The following SBNO2 variants were observed in gnomAD, a reference collection of about 807,000 sequenced individuals.
SBNO2 encodes protein strawberry notch homolog 2.
A neutral mutation model predicts 146.3 loss-of-function variants in SBNO2; 89 were observed. The observed-to-expected ratio is 0.61, with a 90% CI of 0.51 to 0.73. SBNO2 has a LOEUF of 0.73. Among genes scored for constraint, SBNO2 ranks in the 30% least tolerant of loss-of-function variants. The pLI is 0.00. For missense variants in SBNO2, 2,092 were observed against 2,003.7 expected (o/e 1.04, Z -0.84); for synonymous variants, 1,147 against 892.6 (o/e 1.29, Z -5.08).
At chr19:1,119,849 C>T in intron 12 of SBNO2, 57 bp downstream of exon 12, 2 of 1,349,828 alleles carry the variant, frequency 1.5e-6, no homozygotes. Context: ...TTCGCGGGGA[C>T]AGCCAGGCAG....
At position 1,110,076 on chromosome 19, in the gene SBNO2, C is replaced by T. The variant is rs557551786; in HGVS notation, c.3029-299G>A. Among the ~76,000 whole-genome samples, 17 of 151,646 alleles carry T rather than the reference C, an allele frequency of 1.1e-4. No homozygotes were observed. The highest frequency in any genetic ancestry group is 3.6e-4 in the African/African-American group (15 of 41,282). On this transcript the variant is annotated intron_variant, in intron 26 of 31. Coordinates refer to ENST00000361757, the MANE Select transcript of SBNO2 (RefSeq NM_014963.3). This position sits in a 1 kb window ranked among gnomAD's most constrained non-coding sequence, Gnocchi z 4.9. The stretch of plus-strand genomic sequence containing the variant: ...TGGGGGATCGTGGGAGCCTGGGGGC[C>T]GCTCAGATCCTAGGTAACCCCAAGC...
At chr19:1,117,039 G>A (rs937735768) in intron 15 of SBNO2, 113 bp from the exon 16 acceptor site, 17 of 1,062,056 alleles carry the variant, frequency 1.6e-5, no homozygotes, top group East Asian at 1.6e-4. Flanking sequence ...TGCTGTGCTC[G>A]CCTCCCCAGG....
chr19:1,171,304 G>A (rs939357774), intron 1 of SBNO2, among the ~76,000 whole-genome samples: 5 of 151,870 alleles, frequency 3.3e-5, no homozygotes, highest in African/African-American at 9.7e-5. Flanking sequence ...CAGAATGCAC[G>A]TGCGTACGTA....
At chr19:1,166,735 G>A (rs1438970392) in intron 1 of SBNO2, among the ~76,000 whole-genome samples, 1 of 152,164 alleles carries the variant, frequency 6.6e-6, no homozygotes, top group Non-Finnish European at 1.5e-5. Context: ...TTTTTCTCCT[G>A]AGCAGACGTT....
Position 1,110,885 on chromosome 19 carries a change from C to G in SBNO2, c.2888G>C (p.Cys963Ser). ...RNGCLDVEKDCSITKFLNRIL... is the reference protein window; with the variant it reads ...RNGCLDVEKDSSITKFLNRIL... ...GCGGTTCAGGAACTTGGTGATGGAA[C>G]AGTCTGGTAGGGGAGGGAGCCAAGC... The change falls in exon 26 of 32, where the codon TGT (cysteine) becomes TCT (serine). Residue 963 changes from cysteine (C) to serine (S), a missense_variant. By Grantham distance (112) the Cys-to-Ser change is moderately radical. Transcript: ENST00000361757. The surrounding 1 kb of genome is among the most constrained non-coding windows in gnomAD (Gnocchi z 4.9). 1 of 1,613,650 alleles carries G rather than the reference C, an allele frequency of 6.2e-7. No homozygotes were observed. The highest frequency in any genetic ancestry group is 8.5e-7 in the Non-Finnish European group (1 of 1,179,718).
intron 1 of SBNO2, among the ~76,000 whole-genome samples, chr19:1,166,730 C>G (rs148001350): frequency 3.9e-5 from 6 of 152,290 alleles, no homozygotes; most frequent in Non-Finnish European, 7.4e-5. Context: ...ACGTCTTTTT[C>G]TCCTGAGCAG....
At chr19:1,139,840 G>A (rs142917039) in intron 4 of SBNO2, among the ~76,000 whole-genome samples, 2,095 of 152,192 alleles carry the variant, frequency 0.014, 28 homozygotes, top group Non-Finnish European at 0.021. Context: ...AGCTACTCAG[G>A]AGGCTGAGAC....
Position 1,108,465 on chromosome 19 carries a change from G to C in SBNO2, c.3856C>G (p.Pro1286Ala), listed in dbSNP as rs1469311830. 14 of 1,228,256 alleles carry C rather than the reference G, an allele frequency of 1.1e-5. No individual in the cohort carries two copies. The highest frequency in any genetic ancestry group is 4.6e-5 in the Admixed American group (1 of 21,584). 76.1% of individuals were successfully genotyped at this position (1,228,256 alleles called of 1,614,324 possible). A position where few individuals can be genotyped will look rare whatever the true frequency, so the allele number is the denominator to read the frequency against. ...FPAPLSLDAG[P>A]GVVPLGTPDA... is the part of the protein sequence containing the mutation. ...GGGGTGCCCAGCGGCACGACGCCGG[G>C]GCCGGCGTCCAGGGACAGCGGCGCC... The change falls in exon 32 of 32, where the codon CCC (proline) becomes GCC (alanine). Residue 1286 changes from proline (P) to alanine (A), a missense_variant. Pro to Ala is a conservative substitution (Grantham distance 27). Transcript: ENST00000361757.
rs2079723807 is a variant in SBNO2 at position 1,109,385 on chromosome 19, C to G, written c.3255G>C (p.Gln1085His). ...GNKPSCLLAE[Q>H]NRGQFFTVYK... Reference sequence around the variant, plus strand: ...ACACCGTGAAGAACTGGCCGCGGTTCTGCTCCGCCAGCAGGCAGCTGGGCT... The same window carrying G: ...ACACCGTGAAGAACTGGCCGCGGTTGTGCTCCGCCAGCAGGCAGCTGGGCT... Residue 1085 changes from glutamine (Q) to histidine (H), a missense_variant, in exon 29 of 32, where the codon CAG (glutamine) becomes CAC (histidine). Gln to His is a conservative substitution (Grantham distance 24). Transcript: ENST00000361757. This position sits in a 1 kb window ranked among gnomAD's most constrained non-coding sequence, Gnocchi z 4.2. 6.4e-7 allele frequency: 1 copy of G among 1,572,904 alleles called. No individual in the cohort carries two copies. Among genetic ancestry groups the G allele is most frequent in the Non-Finnish European group, 8.6e-7 (1 of 1,160,236 alleles).
chr19:1,134,215 CACAGCTCACAGGACCT>C (rs1476046712), intron 4 of SBNO2, among the ~76,000 whole-genome samples: 10 of 145,660 alleles, frequency 6.9e-5, no homozygotes, highest in Non-Finnish European at 1.1e-4. Flanking sequence ...CAGGTGGACC[CACAGCTCACAGGACCT>C]ACAGCTCACG....
intron 5 of SBNO2, among the ~76,000 whole-genome samples, chr19:1,125,180 G>A (rs1362292621): frequency 1.7e-4 from 26 of 148,658 alleles, no homozygotes; most frequent in African/African-American, 5.5e-4. Context: ...CTGAAACCCC[G>A]TCTCTACTAA....
rs761266430 is a variant in SBNO2 at position 1,128,307 on chromosome 19, G to C, written c.280-542C>G. 2.5e-4 allele frequency: 99 copies of C among 393,620 alleles called. 1 individual carries two copies. The highest frequency in any genetic ancestry group is 1.8e-3 in the South Asian group (97 of 54,874). The allele number at this position is 393,620 out of a possible 1,614,324, so 24.4% of individuals were successfully genotyped here. ...CATGCCCTGTGCCGGAGGCAGGGGCGGGGGCAGCCACGCCCAGAGGTGGGG... is the reference window on the plus strand; with the variant it reads ...CATGCCCTGTGCCGGAGGCAGGGGCCGGGGCAGCCACGCCCAGAGGTGGGG... On this transcript the variant is annotated intron_variant, in intron 4 of 31. Coordinates refer to ENST00000361757, the MANE Select transcript of SBNO2 (RefSeq NM_014963.3).
chr19:1,122,217 C>A lies in SBNO2; in HGVS notation c.1071G>T (p.Gly357=). The A allele has an allele frequency of 6.4e-7, 1 of 1,570,552 alleles. No individual in the cohort carries two copies. Among genetic ancestry groups the A allele is most frequent in the East Asian group, 2.4e-5 (1 of 42,158 alleles). The change falls in exon 11 of 32, where the codon GGG becomes GGT. Residue 357 remains glycine (G), a synonymous_variant. Coordinates refer to ENST00000361757, the MANE Select transcript of SBNO2 (RefSeq NM_014963.3). ...GGTGCTGGCCGCCGGCCTGGCTCTC[C>A]CCAATCAGGGCGGAGTAGGTGGCGA... The part of the protein sequence containing the change: ...VLFATYSALI[G]ESQAGGQHRT...
chr19:1,131,101 C>T (rs1175268746), intron 4 of SBNO2, among the ~76,000 whole-genome samples: 7 of 152,204 alleles, frequency 4.6e-5, no homozygotes, highest in Non-Finnish European at 4.4e-5. Context: ...TAGCAGCCAC[C>T]AGCTCACCTC....
chr19:1,108,136 G>C lies in SBNO2; in HGVS notation c.*84C>G. On this transcript the variant is annotated 3_prime_UTR_variant, in exon 32 of 32. Coordinates refer to ENST00000361757, the MANE Select transcript of SBNO2 (RefSeq NM_014963.3). Reference sequence around the variant, plus strand: ...CTAGGGCTCCTCTGAGCAGTGGTCAGGGGACCTTGGCCCTGCTCCCCACCG... The same window carrying C: ...CTAGGGCTCCTCTGAGCAGTGGTCACGGGACCTTGGCCCTGCTCCCCACCG... The C allele has an allele frequency of 7.3e-7, 1 of 1,378,960 alleles. No individual in the cohort carries two copies. Among genetic ancestry groups the C allele is most frequent in the South Asian group, 1.4e-5 (1 of 71,866 alleles). The allele number at this position is 1,378,960 out of a possible 1,614,324, so 85.4% of individuals were successfully genotyped here.
At chr19:1,133,319 ACCGC>A (rs1361706228) in intron 4 of SBNO2, among the ~76,000 whole-genome samples, 1 of 151,704 alleles carries the variant, frequency 6.6e-6, no homozygotes. Flanking sequence ...AAAGAAGGAA[ACCGC>A]CCCGAGAGGC....
At chr19:1,134,138 CCACAGCTCACGGGTGGACT>C (rs1469195588) in intron 4 of SBNO2, among the ~76,000 whole-genome samples, 11,503 of 135,366 alleles carry the variant, frequency 0.085, 784 homozygotes, top group African/African-American at 0.14. Flanking sequence ...CCCATAGGAC[CCACAGCTCACGGGTGGACT>C]CACAGCTCAC....
chr19:1,162,673 G>C (rs1254833930), intron 1 of SBNO2, among the ~76,000 whole-genome samples: 2 of 152,146 alleles, frequency 1.3e-5, no homozygotes, highest in Non-Finnish European at 2.9e-5. Flanking sequence ...TCCAGACCAA[G>C]AGAGGCCTTC....
intron 5 of SBNO2, 130 bp from the exon 6 acceptor site, chr19:1,124,152 G>T: frequency 1.2e-6 from 1 of 849,506 alleles, no homozygotes; most frequent in African/African-American, 1.7e-5. Flanking sequence ...GCTCCCCAGG[G>T]CCCTGGGTCT....
Sources: gnomAD v4.1 joint callset for allele counts (sites outside exome capture counted in the v4.1 genomes callset) on GRCh38, gnomAD v4.1.1 for gene constraint, Gnocchi (gnomAD v3.1) non-coding constraint, MANE v1.5 for transcripts, NCBI Gene and HGNC (gene_info 2026-07-23, HGNC 2026-07-21) for gene names.